Variants in MYO1D observed in about 807,000 individuals in gnomAD.
MYO1D encodes unconventional myosin-Id.
In MYO1D, 83 loss-of-function variants were observed where a neutral mutation model predicts 122.0. The ratio of observed to expected loss-of-function variants is 0.68; its 90% CI spans 0.57 to 0.82. MYO1D has a LOEUF of 0.82. MYO1D is among the 40% of genes least tolerant of loss of function. The pLI is 0.00. For missense variants in MYO1D, 1,157 were observed against 1,269.5 expected, an observed-to-expected ratio of 0.91 and a Z score of 1.35; for synonymous variants, 464 against 446.9, an observed-to-expected ratio of 1.04 and a Z score of -0.48.
intron 16 of MYO1D, among the ~76,000 whole-genome samples, chr17:32,660,197 GTTGCT>G (rs1408099627): frequency 6.6e-6 from 1 of 152,036 alleles, no homozygotes; most frequent in Non-Finnish European, 1.5e-5. Flanking sequence ...AACAACCCTA[GTTGCT>G]TTCTTCGATG....
At chr17:32,535,781 G>A (rs988380189) in intron 21 of MYO1D, among the ~76,000 whole-genome samples, 5 of 148,782 alleles carry the variant, frequency 3.4e-5, no homozygotes, top group East Asian at 1.9e-4. Flanking sequence ...AACAAAAATC[G>A]TACTTATAGA....
intron 20 of MYO1D, among the ~76,000 whole-genome samples, chr17:32,610,029 G>A (rs1269177448): frequency 1.3e-5 from 2 of 152,142 alleles, no homozygotes; most frequent in Non-Finnish European, 2.9e-5. Flanking sequence ...CACTTCACAG[G>A]AGAGCTTGAT....
intron 1 of MYO1D, among the ~76,000 whole-genome samples, chr17:32,818,125 C>CAAAAAAAAAAAAA (rs58466009): frequency 7.6e-4 from 35 of 45,994 alleles, no homozygotes; most frequent in African/African-American, 1.7e-3. Flanking sequence ...GACTCCGTCT[C>CAAAAAAAAAAAAA]AAAAAAAAAA....
chr17:32,863,737 G>C (rs1361403848), intron 1 of MYO1D, among the ~76,000 whole-genome samples: 2 of 152,086 alleles, frequency 1.3e-5, no homozygotes, highest in African/African-American at 2.4e-5. Flanking sequence ...AAATGAAAAG[G>C]CACGAACATC....
In MYO1D at chr17:32,721,105, C is replaced by G; in HGVS notation, c.1831G>C (p.Glu611Gln). ...ACATTTTCCAGTAGTCCAAGATATTCTACTTGGTGCCGGCAGCGTTCATCA... is the reference window on the plus strand; with the variant it reads ...ACATTTTCCAGTAGTCCAAGATATTGTACTTGGTGCCGGCAGCGTTCATCA... ...FDDERCRHQV[E>Q]YLGLLENVRV... is the part of the protein sequence containing the mutation. The change falls in exon 15 of 22, where the codon GAA (glutamate) becomes CAA (glutamine). Residue 611 changes from glutamate (E) to glutamine (Q), a missense_variant. Coordinates refer to ENST00000318217, the MANE Select transcript of MYO1D (RefSeq NM_015194.3). The G allele has an allele frequency of 6.2e-7, 1 of 1,614,098 alleles. No individual in the cohort carries two copies.
At chr17:32,519,606 C>G (rs28408686) in intron 21 of MYO1D, among the ~76,000 whole-genome samples, 71,901 of 151,568 alleles carry the variant, frequency 0.47, 17,566 homozygotes, top group Non-Finnish European at 0.52. Context: ...CCTTGCAGCC[C>G]CCCGCAGCCC....
chr17:32,846,912 A>G (rs578191686), intron 1 of MYO1D, among the ~76,000 whole-genome samples: 1 of 152,276 alleles, frequency 6.6e-6, no homozygotes, highest in African/African-American at 2.4e-5. Context: ...GCTTGAGCCC[A>G]GGAGATTGAG....
intron 16 of MYO1D, among the ~76,000 whole-genome samples, chr17:32,690,537 C>T (rs1464599004): frequency 3.9e-5 from 6 of 152,166 alleles, no homozygotes; most frequent in Non-Finnish European, 1.5e-5. Context: ...CCCTTCGAAT[C>T]TCCAGTTGAA....
chr17:32,870,064 C>G (rs1381553118), intron 1 of MYO1D, among the ~76,000 whole-genome samples: 1 of 152,140 alleles, frequency 6.6e-6, no homozygotes, highest in Non-Finnish European at 1.5e-5. Context: ...TCTCCAGGGT[C>G]AAGAAATGAC....
In MYO1D at chr17:32,772,337, TG is replaced by T. The variant is rs546356327; in HGVS notation, c.618+451del. 1.4e-3 allele frequency among the ~76,000 whole-genome samples: 213 copies of T among 152,332 alleles called. 1 individual carries two copies. The highest frequency in any genetic ancestry group is 0.01 in the Middle Eastern group (3 of 292). On this transcript the variant is annotated intron_variant, in intron 5 of 21. Coordinates refer to ENST00000318217, the MANE Select transcript of MYO1D (RefSeq NM_015194.3). ...CTCCCTAGAAGTTATAAATCCAGAT[TG>T]TTTTTTTAAAAGTAATCATATTGCT... is the stretch of plus-strand genomic sequence containing the variant.
At chr17:32,644,314 G>C (rs1364842579) in intron 19 of MYO1D, among the ~76,000 whole-genome samples, 1 of 152,180 alleles carries the variant, frequency 6.6e-6, no homozygotes, top group Admixed American at 6.6e-5. Flanking sequence ...TACATTTGTT[G>C]AGGAGTGCTT....
At chr17:32,581,366 T>C (rs2087336994) in intron 21 of MYO1D, among the ~76,000 whole-genome samples, 1 of 152,196 alleles carries the variant, frequency 6.6e-6, no homozygotes, top group Admixed American at 6.5e-5. Context: ...CAATTTTATT[T>C]TGGTACTACT....
intron 1 of MYO1D, among the ~76,000 whole-genome samples, chr17:32,850,791 G>T (rs2151081212): frequency 6.6e-6 from 1 of 152,222 alleles, no homozygotes; most frequent in Non-Finnish European, 1.5e-5. Flanking sequence ...GAGGGGAATG[G>T]AGTCTTATCA....
chr17:32,678,099 G>C (rs1273501924), intron 16 of MYO1D, among the ~76,000 whole-genome samples: 1 of 152,082 alleles, frequency 6.6e-6, no homozygotes, highest in African/African-American at 2.4e-5. Context: ...AAATGCTCAA[G>C]CTCTTTCTCA....
chr17:32,751,508 C>G (rs766349406), intron 11 of MYO1D, among the ~76,000 whole-genome samples: 5 of 152,180 alleles, frequency 3.3e-5, no homozygotes, highest in Non-Finnish European at 7.4e-5. Context: ...GATCTAATAC[C>G]TAGAAAACCC....
chr17:32,846,655 T>C (rs1427343819), intron 1 of MYO1D, among the ~76,000 whole-genome samples: 1 of 152,136 alleles, frequency 6.6e-6, no homozygotes, highest in Non-Finnish European at 1.5e-5. Flanking sequence ...ACTCCTTTTG[T>C]AGACAAACAT....
chr17:32,676,727 C>A (rs998580818), intron 16 of MYO1D, among the ~76,000 whole-genome samples: 25 of 152,236 alleles, frequency 1.6e-4, no homozygotes, highest in African/African-American at 6.0e-4. Context: ...TGAAATAAAT[C>A]TGTTACTCTC....
rs868729414 is a variant in MYO1D at position 32,822,483 on chromosome 17, C to T, written c.96-41699G>A. ...ACGGGCAGTGGTGGGGGGCGGGGGG[C>T]GCGCGTCCCCGGTCGGCGCGCCGCT... On this transcript the variant is annotated intron_variant, in intron 1 of 21. Transcript: ENST00000318217. Among the ~76,000 whole-genome samples, 300 of 147,094 alleles carry T rather than the reference C, an allele frequency of 2.0e-3. 1 individual carries two copies. Among genetic ancestry groups the T allele is most frequent in the Non-Finnish European group, 3.6e-3 (237 of 65,696 alleles).
At chr17:32,691,744 C>G (rs972659992) in intron 16 of MYO1D, among the ~76,000 whole-genome samples, 2 of 152,134 alleles carry the variant, frequency 1.3e-5, no homozygotes, top group African/African-American at 4.8e-5. Context: ...TACATATATT[C>G]TTAAGATTTT....
Sources: allele counts gnomAD v4.1 joint callset (sites outside exome capture counted in the v4.1 genomes callset), GRCh38; gene constraint gnomAD v4.1.1; transcripts MANE v1.5; gene names NCBI Gene and HGNC (gene_info 2026-07-23, HGNC 2026-07-21).